SH3RF3: variants seen among roughly 807,000 people sequenced by gnomAD.
SH3RF3 encodes the protein E3 ubiquitin-protein ligase SH3RF3.
In SH3RF3, 29 loss-of-function variants were observed where a neutral mutation model predicts 66.3. The observed-to-expected ratio is 0.44, with a 90% confidence interval of 0.33 to 0.60. SH3RF3 has a LOEUF of 0.60. Ranked by LOEUF, SH3RF3 falls within the 20% of genes least tolerant of loss-of-function variation. The pLI is 0.04. For missense variants in SH3RF3, 1,194 were observed against 1,190.9 expected, an observed-to-expected ratio of 1.00 and a Z score of -0.04; for synonymous variants, 583 against 532.0, an observed-to-expected ratio of 1.10 and a Z score of -1.32.
intron 1 of SH3RF3, among the ~76,000 whole-genome samples, chr2:109,242,408 C>T (rs1679806371): frequency 6.6e-6 from 1 of 152,170 alleles, no homozygotes; most frequent in Non-Finnish European, 1.5e-5. Flanking sequence ...TGGTCACACC[C>T]ATAGAGCAGC....
chr2:109,166,716 C>T (rs1677636225), intron 1 of SH3RF3, among the ~76,000 whole-genome samples: 1 of 152,216 alleles, frequency 6.6e-6, no homozygotes, highest in African/African-American at 2.4e-5. Context: ...TTTGGAATGT[C>T]TTCTTCCTTT....
chr2:109,352,302 T>C (rs1682856765), intron 2 of SH3RF3, among the ~76,000 whole-genome samples: 1 of 152,156 alleles, frequency 6.6e-6, no homozygotes, highest in African/African-American at 2.4e-5. Context: ...AAAGTAAGCC[T>C]CCCTCCTAAA....
At chr2:109,265,865 T>C (rs1359280421) in intron 1 of SH3RF3, among the ~76,000 whole-genome samples, 2 of 152,204 alleles carry the variant, frequency 1.3e-5, no homozygotes, top group South Asian at 2.1e-4. Flanking sequence ...ACCACTGAGC[T>C]GGGGCATTGA....
At chr2:109,168,874 G>A (rs528176970) in intron 1 of SH3RF3, among the ~76,000 whole-genome samples, 2 of 152,308 alleles carry the variant, frequency 1.3e-5, no homozygotes, top group African/African-American at 2.4e-5. Flanking sequence ...TGAATGGAAC[G>A]CTGCATGCTG....
chr2:109,297,080 T>G (rs1049841548), intron 1 of SH3RF3, among the ~76,000 whole-genome samples: 1 of 151,628 alleles, frequency 6.6e-6, no homozygotes, highest in African/African-American at 2.4e-5. Flanking sequence ...TTGGTCCAGG[T>G]GGGGGGTGAC....
intron 8 of SH3RF3, among the ~76,000 whole-genome samples, chr2:109,473,242 C>T (rs550836197): frequency 1.3e-5 from 2 of 152,328 alleles, no homozygotes; most frequent in African/African-American, 2.4e-5. Flanking sequence ...TGGCCCCATT[C>T]GACGCCTGGG....
At chr2:109,347,607 G>A (rs1400804647) in intron 1 of SH3RF3, 67 bp from the exon 2 acceptor site, 15 of 1,558,382 alleles carry the variant, frequency 9.6e-6, no homozygotes, top group Admixed American at 1.8e-5. Flanking sequence ...GGCCTGCCCC[G>A]GCAGATCCAC....
chr2:109,158,291 T>G (rs1470318638), intron 1 of SH3RF3, among the ~76,000 whole-genome samples: 2 of 152,204 alleles, frequency 1.3e-5, no homozygotes, highest in African/African-American at 4.8e-5. Flanking sequence ...GCCACTTGTC[T>G]CTTTCTGGTA....
intron 8 of SH3RF3, 42 bp downstream of exon 8, chr2:109,449,531 C>A: frequency 6.3e-7 from 1 of 1,591,460 alleles, no homozygotes. Context: ...TCGAGGCCAG[C>A]TGCTTACTGT....
rs76392994 is a variant in SH3RF3, at chr2:109,194,084, T to C, written c.573+63971T>C. Among the ~76,000 whole-genome samples the C allele has an allele frequency of 4.9e-3, 752 of 152,366 alleles. 3 individuals carry two copies. Among genetic ancestry groups the C allele is most frequent in the African/African-American group, 0.017 (724 of 41,596 alleles). ...GCCAAATCTCCAGGTCAGGATATTCTGATAAAAACTCCCCAAGACGCTGGA... is the reference window on the plus strand; with the variant it reads ...GCCAAATCTCCAGGTCAGGATATTCCGATAAAAACTCCCCAAGACGCTGGA... On this transcript the variant is annotated intron_variant, in intron 1 of 9. Transcript: ENST00000309415.
chr2:109,267,786 G>A (rs1177682885), intron 1 of SH3RF3, among the ~76,000 whole-genome samples: 3 of 152,242 alleles, frequency 2.0e-5, no homozygotes, highest in Non-Finnish European at 4.4e-5. Flanking sequence ...CCTGGAGCGA[G>A]GCCGAGTCAA....
In SH3RF3 at chr2:109,462,853, C is replaced by T. The variant is rs115512047; in HGVS notation, c.2148+13364C>T. On this transcript the variant is annotated intron_variant, in intron 8 of 9. Transcript: ENST00000309415. ...ACTGATCACCTGTGCTCCATAAGCC[C>T]GTCCCTGACTGGCAGACCATAGTGA... is the stretch of plus-strand genomic sequence containing the variant. Among the ~76,000 whole-genome samples, 1,352 of 152,262 alleles carry T rather than the reference C, an allele frequency of 8.9e-3. 22 individuals are homozygous for T. The highest frequency in any genetic ancestry group is 0.031 in the African/African-American group (1,292 of 41,558).
chr2:109,490,065 T>A (rs1170098332), intron 8 of SH3RF3, among the ~76,000 whole-genome samples: 1 of 152,170 alleles, frequency 6.6e-6, no homozygotes, highest in Non-Finnish European at 1.5e-5. Context: ...TTAGCTTTGT[T>A]TTCCTCCTCT....
At chr2:109,135,990 ATCC>A (rs1478753322) in intron 1 of SH3RF3, among the ~76,000 whole-genome samples, 1 of 152,196 alleles carries the variant, frequency 6.6e-6, no homozygotes, top group African/African-American at 2.4e-5. Flanking sequence ...CACCTCCGTC[ATCC>A]GTAGGACACA....
At chr2:109,230,851 TAGG>T (rs1383207186) in intron 1 of SH3RF3, among the ~76,000 whole-genome samples, 1 of 152,194 alleles carries the variant, frequency 6.6e-6, no homozygotes, top group African/African-American at 2.4e-5. Flanking sequence ...CTAAATCCCC[TAGG>T]AGTTCACTGG....
intron 9 of SH3RF3, among the ~76,000 whole-genome samples, chr2:109,494,347 CA>C (rs914205848): frequency 1.3e-5 from 2 of 152,032 alleles, no homozygotes; most frequent in Admixed American, 1.3e-4. Context: ...GAAGTGTTTC[CA>C]AAAAACAGCC....
chr2:109,296,297 G>A (rs879549336), intron 1 of SH3RF3, among the ~76,000 whole-genome samples: 2 of 151,824 alleles, frequency 1.3e-5, no homozygotes, highest in Non-Finnish European at 2.9e-5. Context: ...GTGCTATCTC[G>A]GCTCACTGCA....
intron 1 of SH3RF3, among the ~76,000 whole-genome samples, chr2:109,239,714 C>T (rs1215019510): frequency 6.6e-6 from 1 of 152,154 alleles, no homozygotes; most frequent in Non-Finnish European, 1.5e-5. Context: ...AGTTGCTCTG[C>T]CAAGTGCTCC....
intron 1 of SH3RF3, among the ~76,000 whole-genome samples, chr2:109,132,538 G>C (rs144959856): frequency 1.3e-5 from 2 of 152,128 alleles, no homozygotes; most frequent in Non-Finnish European, 2.9e-5. Flanking sequence ...GTCAGTTAAC[G>C]ATGCTGCCCC....
Sources: allele counts gnomAD v4.1 joint callset (sites outside exome capture counted in the v4.1 genomes callset), GRCh38; gene constraint gnomAD v4.1.1; transcripts MANE v1.5; gene names NCBI Gene and HGNC (gene_info 2026-07-23, HGNC 2026-07-21).